Variants in PRKN observed in about 807,000 individuals in gnomAD.
PRKN encodes E3 ubiquitin-protein ligase parkin.
A neutral mutation model predicts 59.5 loss-of-function variants in PRKN; 56 were observed. That is an observed-to-expected ratio of 0.94 (90% CI 0.76 to 1.18). The LOEUF (loss-of-function observed/expected upper bound fraction) is 1.18, where lower values mean the gene tolerates loss of function less well. Ranked by LOEUF, PRKN falls within the 50% of genes most tolerant of loss-of-function variation. The pLI is 0.00. For synonymous variants in PRKN, 250 were observed against 222.1 expected, an observed-to-expected ratio of 1.13 and a Z score of -1.12; for missense variants, 657 against 596.4, an observed-to-expected ratio of 1.10 and a Z score of -1.06.
At chr6:161,636,737 T>TA (rs1437600247) in intron 7 of PRKN, among the ~76,000 whole-genome samples, 3 of 151,526 alleles carry the variant, frequency 2.0e-5, no homozygotes, top group South Asian at 2.1e-4. Context: ...TATGTATATA[T>TA]AAAAAAAATA....
rs904253440 is a variant in PRKN at position 161,353,524 on chromosome 6, T to G, written c.1286-3313A>C. ...AGGGTTTGGGGAGCTTCCAGGTTGC[T>G]GAACACATGGAGGTTTCTGATGGGC... On this transcript the variant is annotated intron_variant, in intron 11 of 11. Transcript: ENST00000366898. The surrounding 1 kb of genome is among the most constrained non-coding windows in gnomAD (Gnocchi z 4.8). 6.6e-6 allele frequency among the ~76,000 whole-genome samples: 1 copy of G among 152,236 alleles called. No individual in the cohort carries two copies. Among genetic ancestry groups the G allele is most frequent in the African/African-American group, 2.4e-5 (1 of 41,470 alleles).
chr6:162,371,201 A>C (rs1785747364), intron 2 of PRKN, among the ~76,000 whole-genome samples: 1 of 152,164 alleles, frequency 6.6e-6, no homozygotes, highest in African/African-American at 2.4e-5. Context: ...AAGAAGGGAC[A>C]CTGCTAAGTG....
intron 1 of PRKN, among the ~76,000 whole-genome samples, chr6:162,590,265 G>C (rs1781248992): frequency 6.6e-6 from 1 of 152,002 alleles, no homozygotes; most frequent in South Asian, 2.1e-4. Context: ...TATATTTTAG[G>C]AATAATACTA....
Position 162,591,997 on chromosome 6 carries a change from TTTTG to T in PRKN, c.7+135661_7+135664del, listed in dbSNP as rs944093374. 1.4e-4 allele frequency among the ~76,000 whole-genome samples: 21 copies of T among 152,082 alleles called. 1 individual carries two copies. The highest frequency in any genetic ancestry group is 4.1e-4 in the South Asian group (2 of 4,828). On this transcript the variant is annotated intron_variant, in intron 1 of 11. Transcript: ENST00000366898. Reference sequence around the variant, plus strand: ...AGTCTTCAAAACCAGAACCTCATTTTTTTGTTTGTTTGTTTGTTTTGAGATGTTG... The same window carrying T: ...AGTCTTCAAAACCAGAACCTCATTTTTTTGTTTGTTTGTTTTGAGATGTTG...
chr6:162,469,216 A>G (rs1791585252), intron 1 of PRKN, among the ~76,000 whole-genome samples: 1 of 152,038 alleles, frequency 6.6e-6, no homozygotes. Context: ...GAAGGCACGC[A>G]CCACACTATA....
chr6:162,363,127 CAAACAAAA>C (rs1785234954), intron 2 of PRKN, among the ~76,000 whole-genome samples: 1 of 38,858 alleles, frequency 2.6e-5, no homozygotes, highest in South Asian at 1.1e-3. Flanking sequence ...GACTCCTTCT[CAAACAAAA>C]AAAAAAAAAA....
chr6:162,691,317 A>G (rs1452803276), intron 1 of PRKN, among the ~76,000 whole-genome samples: 1 of 152,188 alleles, frequency 6.6e-6, no homozygotes, highest in Non-Finnish European at 1.5e-5. Context: ...TATTTCAACT[A>G]ATTTGTTTTA....
chr6:162,241,871 A>C (rs1228648344), intron 3 of PRKN, among the ~76,000 whole-genome samples: 1 of 152,064 alleles, frequency 6.6e-6, no homozygotes, highest in Non-Finnish European at 1.5e-5. Context: ...AAGTCACTTT[A>C]GTTCTAGTAA....
rs561255951 is a variant in PRKN, at chr6:161,592,468, GAT to G, written c.872-23054_872-23053del. ...TATCATTTGATGATATTAATGTTCTGATTATGCCTATATTCCTTCTACAAATA... is the reference window on the plus strand; with the variant it reads ...TATCATTTGATGATATTAATGTTCTGTATGCCTATATTCCTTCTACAAATA... On this transcript the variant is annotated intron_variant, in intron 7 of 11. Transcript: ENST00000366898. This position sits in a 1 kb window ranked among gnomAD's most constrained non-coding sequence, Gnocchi z 4.8. 1.4e-4 allele frequency among the ~76,000 whole-genome samples: 22 copies of G among 152,250 alleles called. No individual in the cohort carries two copies. In the South Asian group the frequency reaches 4.4e-3, roughly 30 times the overall value.
chr6:162,332,762 C>T (rs1783641638), intron 2 of PRKN, among the ~76,000 whole-genome samples: 1 of 152,092 alleles, frequency 6.6e-6, no homozygotes, highest in South Asian at 2.1e-4. Flanking sequence ...GCCCAGACAG[C>T]ACCAACATCC....
At chr6:161,833,870 G>A (rs1348431231) in intron 6 of PRKN, among the ~76,000 whole-genome samples, 1 of 152,076 alleles carries the variant, frequency 6.6e-6, no homozygotes, top group Non-Finnish European at 1.5e-5. Context: ...ATCTTACCTA[G>A]AACTATTTAG....
chr6:162,463,867 ACTGT>A (rs1791287930), intron 1 of PRKN, among the ~76,000 whole-genome samples: 1 of 152,204 alleles, frequency 6.6e-6, no homozygotes, highest in South Asian at 2.1e-4. Context: ...AGTTCCTGAC[ACTGT>A]CTATCATTTC....
intron 2 of PRKN, among the ~76,000 whole-genome samples, chr6:162,301,777 C>CCGG (rs1781962559): frequency 1.5e-5 from 1 of 67,386 alleles, no homozygotes; most frequent in Admixed American, 1.8e-4. Flanking sequence ...AATAAATTGG[C>CCGG]CGGGGCGGGG....
At chr6:161,853,585 A>G (rs1308391788) in intron 6 of PRKN, among the ~76,000 whole-genome samples, 1 of 152,236 alleles carries the variant, frequency 6.6e-6, no homozygotes, top group African/African-American at 2.4e-5. Flanking sequence ...ACATGACTCT[A>G]CTTAACAGAG....
chr6:161,918,342 T>C (rs903298154), intron 6 of PRKN, among the ~76,000 whole-genome samples: 6 of 152,138 alleles, frequency 3.9e-5, no homozygotes, highest in Non-Finnish European at 1.5e-5. Flanking sequence ...TTATGCTTTG[T>C]TAAAGAGTTA....
chr6:161,996,382 T>C (rs1332512611), intron 5 of PRKN, among the ~76,000 whole-genome samples: 1 of 152,168 alleles, frequency 6.6e-6, no homozygotes, highest in Admixed American at 6.5e-5. Context: ...AATAAAAGGT[T>C]CCTATATGTT....
At chr6:162,059,297 TC>T (rs1777999163) in intron 4 of PRKN, among the ~76,000 whole-genome samples, 1 of 145,182 alleles carries the variant, frequency 6.9e-6, no homozygotes, top group African/African-American at 2.6e-5. Flanking sequence ...TGAATGGAAT[TC>T]TTTTGAATCT....
At chr6:162,122,921 C>T (rs566958422) in intron 4 of PRKN, among the ~76,000 whole-genome samples, 4 of 151,774 alleles carry the variant, frequency 2.6e-5, no homozygotes, top group South Asian at 2.1e-4. Context: ...ATGTTTCATT[C>T]GTGTCTTCTC....
In PRKN at chr6:161,768,330, G is replaced by T. The variant is rs546106545; in HGVS notation, c.871+17442C>A. Among the ~76,000 whole-genome samples, 319 of 152,224 alleles carry T rather than the reference G, an allele frequency of 2.1e-3. 3 individuals carry two copies. The highest frequency in any genetic ancestry group is 3.4e-3 in the Middle Eastern group (1 of 292). Reference sequence around the variant, plus strand: ...TGTGAAAGGGTTTTCAATTACATGCGTGTGTACATTTTATATGTTTATAGC... The same window carrying T: ...TGTGAAAGGGTTTTCAATTACATGCTTGTGTACATTTTATATGTTTATAGC... On this transcript the variant is annotated intron_variant, in intron 7 of 11. Coordinates refer to ENST00000366898, the MANE Select transcript of PRKN (RefSeq NM_004562.3).
Sources: allele counts gnomAD v4.1 joint callset (sites outside exome capture counted in the v4.1 genomes callset), GRCh38; gene constraint gnomAD v4.1.1; non-coding constraint Gnocchi (gnomAD v3.1); transcripts MANE v1.5; gene names NCBI Gene and HGNC (gene_info 2026-07-23, HGNC 2026-07-21).